Variants in YTHDC2 observed in about 807,000 individuals in gnomAD.
YTHDC2 encodes 3'-5' RNA helicase YTHDC2.
Under a neutral mutation model 174.9 loss-of-function variants are expected in YTHDC2, and 45 were observed. The observed-to-expected ratio is 0.26, with a 90% CI of 0.20 to 0.33. The LOEUF (loss-of-function observed/expected upper bound fraction) is 0.33, where lower values mean the gene tolerates loss of function less well. Among genes scored for constraint, YTHDC2 ranks in the 10% least tolerant of loss-of-function variants. YTHDC2 has a pLI of 1.00. For synonymous variants in YTHDC2, 657 were observed against 574.5 expected (o/e 1.14, Z -2.05); for missense variants, 1,650 against 1,723.7 (o/e 0.96, Z 0.76).
chr5:113,549,147 C>A, intron 12 of YTHDC2, 127 bp downstream of exon 12: 1 of 744,128 alleles, frequency 1.3e-6, no homozygotes, highest in Non-Finnish European at 2.1e-6. Context: ...TTTTGTGATT[C>A]TAAGGAAATT....
intron 10 of YTHDC2, among the ~76,000 whole-genome samples, chr5:113,547,299 A>G (rs895169415): frequency 6.6e-6 from 1 of 152,218 alleles, no homozygotes; most frequent in African/African-American, 2.4e-5. Context: ...ATGCCTGACC[A>G]TCCCAGACTT....
intron 4 of YTHDC2, among the ~76,000 whole-genome samples, chr5:113,527,879 C>G (rs1322001591): frequency 6.6e-6 from 1 of 152,018 alleles, no homozygotes; most frequent in Non-Finnish European, 1.5e-5. Context: ...ACCTCAGTGC[C>G]TCCCAGGTTC....
At chr5:113,587,624 G>T (rs1580655155) in intron 26 of YTHDC2, among the ~76,000 whole-genome samples, 2 of 144,636 alleles carry the variant, frequency 1.4e-5, no homozygotes. Context: ...ATATATATTT[G>T]CCAGTGGTAC....
In YTHDC2 at chr5:113,534,384, T is replaced by C; in HGVS notation, c.922T>C (p.Ser308Pro). The C allele has an allele frequency of 1.2e-6, 2 of 1,612,388 alleles. No homozygotes were observed. The highest frequency in any genetic ancestry group is 4.5e-5 in the East Asian group (2 of 44,816). Residue 308 changes from serine to proline, a missense_variant, in exon 6 of 30, where the codon TCG (serine) becomes CCG (proline). By Grantham distance (74) the Ser-to-Pro change is moderately conservative. This residue lies in a region of YTHDC2 where 411 missense variants were observed against 380.6 expected (regional missense o/e 1.08). Transcript: ENST00000161863. The part of the protein sequence containing the change: ...RTLMAGDSTL[S>P]TVTHVIVDEV... The stretch of plus-strand genomic sequence containing the variant: ...ATTGATGGCAGGAGATAGTACGTTG[T>C]CGACTGTGACACATGTTATCGTGGT...
intron 25 of YTHDC2, chr5:113,583,666 T>C (rs1468018825): frequency 6.6e-6 from 1 of 152,122 alleles, no homozygotes; most frequent in East Asian, 1.9e-4. Flanking sequence ...GTATTTTTAG[T>C]AGAGATGGGG....
At position 113,592,228 on chromosome 5, in the gene YTHDC2, C is replaced by G. The variant is rs367900083; in HGVS notation, c.4212+50C>G. ...ATTTACTTTTGTTTCTGTTTGTTTT[C>G]TGTTATCCAGTGCTTTAATTGAGGA... On this transcript the variant is annotated intron_variant, in intron 28 of 29. Transcript: ENST00000161863. 1.3e-5 allele frequency: 19 copies of G among 1,495,092 alleles called. No individual in the cohort carries two copies. The African/African-American group carries it at 2.0e-4, about 16-fold the overall frequency. 92.6% of individuals were successfully genotyped at this position (1,495,092 alleles called of 1,614,324 possible).
At chr5:113,571,729 CTCTT>C (rs1447752867) in intron 23 of YTHDC2, among the ~76,000 whole-genome samples, 5 of 152,120 alleles carry the variant, frequency 3.3e-5, no homozygotes, top group Non-Finnish European at 7.4e-5. Context: ...AGGAATCTAC[CTCTT>C]TCTTCTAGAT....
At chr5:113,540,032 G>A (rs1775342798) in intron 8 of YTHDC2, among the ~76,000 whole-genome samples, 1 of 152,122 alleles carries the variant, frequency 6.6e-6, no homozygotes, top group African/African-American at 2.4e-5. Context: ...CTCTTGAGAT[G>A]TAGACCACTG....
At position 113,515,206 on chromosome 5, in the gene YTHDC2, G is replaced by C. The variant is rs112569044; in HGVS notation, c.188-66G>C. ...TGTATGTTTTTCATATTTTGTATCT[G>C]TGTGTTTTACTTGAGAGAAAATTGC... On this transcript the variant is annotated intron_variant, in intron 1 of 29. Transcript: ENST00000161863. The C allele has an allele frequency of 1.4e-5, 16 of 1,143,966 alleles. No individual in the cohort carries two copies. In the East Asian group the frequency reaches 3.5e-4, roughly 25 times the overall value. The allele number at this position is 1,143,966 out of a possible 1,614,324, so 70.9% of individuals were successfully genotyped here.
intron 2 of YTHDC2, among the ~76,000 whole-genome samples, chr5:113,522,376 T>C (rs898782137): frequency 6.6e-6 from 1 of 152,196 alleles, no homozygotes; most frequent in Admixed American, 6.5e-5. Flanking sequence ...TGATTACTTA[T>C]AGCATCATTT....
chr5:113,557,441 C>T (rs1033364346), intron 17 of YTHDC2, among the ~76,000 whole-genome samples: 24 of 152,086 alleles, frequency 1.6e-4, no homozygotes, highest in African/African-American at 5.3e-4. Context: ...CAGTTGTTTT[C>T]TTATGACCAA....
chr5:113,568,227 T>G (rs1338904658), intron 23 of YTHDC2, among the ~76,000 whole-genome samples: 2 of 152,210 alleles, frequency 1.3e-5, no homozygotes. Flanking sequence ...TGTTTACATA[T>G]TTTAAATTAT....
chr5:113,584,756 C>T (rs1212399868), intron 26 of YTHDC2, among the ~76,000 whole-genome samples: 1 of 147,110 alleles, frequency 6.8e-6, no homozygotes, highest in African/African-American at 2.5e-5. Context: ...TTATTTCTTT[C>T]CTATTTCTTT....
chr5:113,534,552 GA>G (rs1774923285), intron 6 of YTHDC2, 145 bp downstream of exon 6: 1 of 545,970 alleles, frequency 1.8e-6, no homozygotes, highest in South Asian at 3.1e-5. Context: ...TTATTCTTTT[GA>G]ACAGGCTGTA....
intron 9 of YTHDC2, 49 bp downstream of exon 9, chr5:113,541,165 G>C (rs1285495226): frequency 1.8e-5 from 29 of 1,598,166 alleles, no homozygotes; most frequent in Admixed American, 3.4e-5. Flanking sequence ...AAATTGTGTA[G>C]GTTAAAGAAC....
chr5:113,519,752 G>T (rs960767469), intron 2 of YTHDC2, among the ~76,000 whole-genome samples: 5 of 152,068 alleles, frequency 3.3e-5, no homozygotes, highest in African/African-American at 1.2e-4. Flanking sequence ...GCTTTAAATG[G>T]ATTATCATTT....
At chr5:113,538,529 T>C (rs1775236292) in intron 7 of YTHDC2, among the ~76,000 whole-genome samples, 1 of 152,318 alleles carries the variant, frequency 6.6e-6, no homozygotes, top group Non-Finnish European at 1.5e-5. Context: ...ACAGGGACTT[T>C]GCACATGCTG....
intron 2 of YTHDC2, among the ~76,000 whole-genome samples, chr5:113,516,176 T>C (rs1014199157): frequency 1.3e-5 from 2 of 152,222 alleles, no homozygotes; most frequent in African/African-American, 4.8e-5. Flanking sequence ...AGAAATCTCA[T>C]TTGAAAAATG....
chr5:113,581,961 G>C (rs1256529630), intron 25 of YTHDC2: 1 of 269,194 alleles, frequency 3.7e-6, no homozygotes, highest in Non-Finnish European at 6.8e-6. Context: ...GTCAGGAAAA[G>C]GTCAAAATAT....
Sources: allele counts gnomAD v4.1 joint callset (sites outside exome capture counted in the v4.1 genomes callset), GRCh38; gene constraint gnomAD v4.1.1; regional missense constraint gnomAD v4.1.1; transcripts MANE v1.5; gene names NCBI Gene and HGNC (gene_info 2026-07-23, HGNC 2026-07-21).